Variants in NKAIN1 observed in about 807,000 individuals in gnomAD.
NKAIN1 encodes the protein sodium/potassium transporting ATPase interacting 1.
Under a neutral mutation model 31.6 loss-of-function variants are expected in NKAIN1, and 13 were observed. The ratio of observed to expected loss-of-function variants is 0.41; its 90% confidence interval spans 0.27 to 0.65. The LOEUF (loss-of-function observed/expected upper bound fraction) is 0.65, where lower values mean the gene tolerates loss of function less well. Ranked by LOEUF, NKAIN1 falls within the 30% of genes least tolerant of loss-of-function variation. The pLI is 0.30. For missense variants in NKAIN1, 193 were observed against 262.2 expected (o/e 0.74, Z 1.82); for synonymous variants, 104 against 109.0 (o/e 0.95, Z 0.28).
At chr1:31,216,478 C>A (rs1014466622) in intron 1 of NKAIN1, among the ~76,000 whole-genome samples, 4 of 152,106 alleles carry the variant, frequency 2.6e-5, no homozygotes, top group Non-Finnish European at 4.4e-5. Context: ...AGGTCAAGCC[C>A]GCTTTGCATA....
In NKAIN1 at chr1:31,181,856, C is replaced by T. The variant is rs1645200949; in HGVS notation, c.614+4G>A. 1 of 1,604,894 alleles carries T rather than the reference C, an allele frequency of 6.2e-7. No individual in the cohort carries two copies. The highest frequency in any genetic ancestry group is 1.3e-5 in the African/African-American group (1 of 74,884). On this transcript the variant is annotated splice_donor_region_variant and intron_variant, in intron 6 of 6. Transcript: ENST00000373736. ...CCCCAAGCCAGCAGGGGGCCGTGAC[C>T]CACGTGTACAGAGGCTGCAGCTGTA...
At position 31,203,587 on chromosome 1, in the gene NKAIN1, A is replaced by ATTTTTTTT. The variant is rs374430209; in HGVS notation, c.55-15408_55-15401dup. On this transcript the variant is annotated intron_variant, in intron 1 of 6. Transcript: ENST00000373736. ...TGCAAGGTTTTTACATCGAGGAGTA[A>ATTTTTTTT]TTTTTTTTTTTTTTTGAGACGGAGT... Among the ~76,000 whole-genome samples, 2 of 142,632 alleles carry ATTTTTTTT rather than the reference A, an allele frequency of 1.4e-5. 1 individual carries two copies. Among genetic ancestry groups the ATTTTTTTT allele is most frequent in the Non-Finnish European group, 3.0e-5 (2 of 65,960 alleles). The allele number at this position is 142,632 out of a possible 152,430, so 93.6% of individuals were successfully genotyped here.
intron 1 of NKAIN1, among the ~76,000 whole-genome samples, chr1:31,224,356 A>T (rs980995456): frequency 1.3e-4 from 20 of 152,364 alleles, no homozygotes; most frequent in Admixed American, 1.1e-3. Context: ...TCTACGTGCC[A>T]GTGTCCGCCC....
chr1:31,231,719 A>T (rs1210833905), intron 1 of NKAIN1, among the ~76,000 whole-genome samples: 2 of 151,052 alleles, frequency 1.3e-5, no homozygotes, highest in South Asian at 2.1e-4. Flanking sequence ...TTTAGTAGAG[A>T]CAGGGTTTCA....
chr1:31,201,082 G>C (rs1385006670), intron 1 of NKAIN1, among the ~76,000 whole-genome samples: 2 of 152,070 alleles, frequency 1.3e-5, no homozygotes, highest in Non-Finnish European at 2.9e-5. Context: ...AAGGCGGGTG[G>C]ATCACGAGGT....
At chr1:31,206,938 T>A (rs1437673117) in intron 1 of NKAIN1, among the ~76,000 whole-genome samples, 1 of 152,176 alleles carries the variant, frequency 6.6e-6, no homozygotes, top group Non-Finnish European at 1.5e-5. Flanking sequence ...TTTCGCCGTG[T>A]TGGCCAGGCT....
intron 1 of NKAIN1, among the ~76,000 whole-genome samples, chr1:31,194,753 TTCTC>T (rs1184014098): frequency 1.0e-4 from 15 of 146,476 alleles, no homozygotes; most frequent in South Asian, 2.2e-4. Flanking sequence ...TTCCTTCCTT[TTCTC>T]TCTCTCTCTC....
intron 1 of NKAIN1, among the ~76,000 whole-genome samples, chr1:31,203,985 C>A (rs1645404314): frequency 6.6e-6 from 1 of 152,076 alleles, no homozygotes; most frequent in Admixed American, 6.6e-5. Context: ...TGTGGGTGAC[C>A]CTGAGCTGAG....
At chr1:31,235,480 C>T (rs745989309) in intron 1 of NKAIN1, among the ~76,000 whole-genome samples, 19 of 151,960 alleles carry the variant, frequency 1.3e-4, no homozygotes, top group Non-Finnish European at 2.2e-4. Context: ...TTTGAGAGGC[C>T]GAGGTAGGAG....
chr1:31,209,989 T>TAAAAAAA lies in NKAIN1; in HGVS notation c.55-21809_55-21803dup, dbSNP rs71569969. ...GCAACAGAGCATGACCCTGTCTTAT[T>TAAAAAAA]AAAAAAAAAAAAAAAAGATAAGAAT... is the stretch of plus-strand genomic sequence containing the variant. On this transcript the variant is annotated intron_variant, in intron 1 of 6. Coordinates refer to ENST00000373736, the MANE Select transcript of NKAIN1 (RefSeq NM_024522.3). Among the ~76,000 whole-genome samples the TAAAAAAA allele has an allele frequency of 3.3e-3, 456 of 137,150 alleles. 3 individuals are homozygous for TAAAAAAA. Among genetic ancestry groups the TAAAAAAA allele is most frequent in the African/African-American group, 0.012 (427 of 37,046 alleles). 90.0% of individuals were successfully genotyped at this position (137,150 alleles called of 152,430 possible).
chr1:31,214,807 C>T (rs1645497902), intron 1 of NKAIN1, among the ~76,000 whole-genome samples: 2 of 152,168 alleles, frequency 1.3e-5, no homozygotes, highest in South Asian at 4.1e-4. Flanking sequence ...ATAGCAGGCG[C>T]TGGAGAGGAC....
At chr1:31,238,413 T>A (rs890434671) in intron 1 of NKAIN1, among the ~76,000 whole-genome samples, 1 of 152,194 alleles carries the variant, frequency 6.6e-6, no homozygotes, top group Non-Finnish European at 1.5e-5. Context: ...GGTTCGGCGA[T>A]GGAGGTCCCC....
intron 2 of NKAIN1, among the ~76,000 whole-genome samples, chr1:31,185,624 C>G (rs1645236253): frequency 6.6e-6 from 1 of 152,190 alleles, no homozygotes; most frequent in Non-Finnish European, 1.5e-5. Context: ...ATCAAGTTCT[C>G]TGATAGCTAA....
intron 3 of NKAIN1, 125 bp downstream of exon 3, chr1:31,185,122 G>T: frequency 1.4e-6 from 1 of 707,346 alleles, no homozygotes; most frequent in Non-Finnish European, 2.4e-6. Context: ...CAGATTATTT[G>T]GGCATGTAAG....
chr1:31,218,780 CACAG>C (rs749498702), intron 1 of NKAIN1, among the ~76,000 whole-genome samples: 1 of 152,208 alleles, frequency 6.6e-6, no homozygotes, highest in Non-Finnish European at 1.5e-5. Flanking sequence ...AGTCGACAAC[CACAG>C]TGTGATTCCC....
At chr1:31,197,563 CT>C (rs1371346979) in intron 1 of NKAIN1, among the ~76,000 whole-genome samples, 1 of 20,660 alleles carries the variant, frequency 4.8e-5, no homozygotes, top group Non-Finnish European at 2.0e-4. Context: ...TTTTTTTTCC[CT>C]GAGATGGAGT....
chr1:31,237,332 C>T (rs1645699665), intron 1 of NKAIN1, among the ~76,000 whole-genome samples: 1 of 152,088 alleles, frequency 6.6e-6, no homozygotes, highest in African/African-American at 2.4e-5. Flanking sequence ...CTTCATAGGG[C>T]TGTTAGGATT....
intron 1 of NKAIN1, among the ~76,000 whole-genome samples, chr1:31,195,892 CAAAAAA>C (rs35343235): frequency 4.1e-4 from 48 of 118,170 alleles, no homozygotes; most frequent in Admixed American, 2.5e-3. Context: ...CTACCTGTCT[CAAAAAA>C]AAAAAAAAAA....
Position 31,203,300 on chromosome 1 carries a change from T to C in NKAIN1, c.55-15113A>G, listed in dbSNP as rs1174240609. Among the ~76,000 whole-genome samples, 7 of 147,608 alleles carry C rather than the reference T, an allele frequency of 4.7e-5. No individual in the cohort carries two copies. The East Asian group carries it at 7.9e-4, about 17-fold the overall frequency. ...AAAATAAAATAAAATAAATAAAAAA[T>C]AATGAAAACACTGTGGATGTCCCTC... On this transcript the variant is annotated intron_variant, in intron 1 of 6. Coordinates refer to ENST00000373736, the MANE Select transcript of NKAIN1 (RefSeq NM_024522.3).
Sources: gnomAD v4.1 joint callset for allele counts (sites outside exome capture counted in the v4.1 genomes callset) on GRCh38, gnomAD v4.1.1 for gene constraint, MANE v1.5 for transcripts, NCBI Gene and HGNC (gene_info 2026-07-23, HGNC 2026-07-21) for gene names.